The following CSMD1 variants were observed in gnomAD, a reference collection of about 807,000 sequenced individuals.
The protein encoded by CSMD1 is CUB and sushi domain-containing protein 1.
Under a neutral mutation model 417.5 loss-of-function variants are expected in CSMD1, and 213 were observed. The ratio of observed to expected loss-of-function variants is 0.51; its 90% CI spans 0.46 to 0.57. CSMD1 has a LOEUF of 0.57. Ranked by LOEUF, CSMD1 falls within the 20% of genes least tolerant of loss-of-function variation. The probability of loss-of-function intolerance (pLI) is 0.00; values close to 1 mark genes in which losing one functional copy is unlikely to be tolerated. For missense variants in CSMD1, 6,923 were observed against 4,529.7 expected (o/e 1.53, Z -15.17); for synonymous variants, 2,862 against 1,736.8 (o/e 1.65, Z -16.11).
intron 5 of CSMD1, among the ~76,000 whole-genome samples, chr8:3,780,949 C>T (rs531509039): frequency 4.6e-5 from 7 of 152,252 alleles, no homozygotes; most frequent in African/African-American, 1.7e-4. Context: ...AAAAATAAAG[C>T]TCTAAAGATA....
chr8:3,489,422 A>C (rs1313734741), intron 11 of CSMD1, among the ~76,000 whole-genome samples: 1 of 152,166 alleles, frequency 6.6e-6, no homozygotes, highest in African/African-American at 2.4e-5. Context: ...AATTAATGAA[A>C]TCCCCTGGTT....
chr8:4,003,429 A>C, intron 4 of CSMD1, among the ~76,000 whole-genome samples: 1 of 151,940 alleles, frequency 6.6e-6, no homozygotes, highest in East Asian at 1.9e-4. Flanking sequence ...CAAATAAATA[A>C]ATAAATAAAT....
intron 3 of CSMD1, among the ~76,000 whole-genome samples, chr8:4,356,197 G>T (rs1276621679): frequency 6.6e-6 from 1 of 152,280 alleles, no homozygotes. Context: ...TCAGTGGGAA[G>T]ATACAATGTT....
chr8:3,281,495 A>T (rs1022065479), intron 26 of CSMD1, among the ~76,000 whole-genome samples: 5 of 152,178 alleles, frequency 3.3e-5, no homozygotes, highest in African/African-American at 9.7e-5. Flanking sequence ...ATAGAATATT[A>T]TTCGCTGCTA....
At chr8:3,252,410 G>A (rs1800339067) in intron 26 of CSMD1, among the ~76,000 whole-genome samples, 1 of 152,208 alleles carries the variant, frequency 6.6e-6, no homozygotes, top group African/African-American at 2.4e-5. Flanking sequence ...CAGGGATGAA[G>A]CTCACTTGAT....
intron 6 of CSMD1, among the ~76,000 whole-genome samples, chr8:3,727,863 A>G (rs1011295766): frequency 1.3e-5 from 2 of 152,212 alleles, no homozygotes; most frequent in Admixed American, 1.3e-4. Context: ...GCCTGTCACA[A>G]AAGGACAAAT....
At chr8:4,792,752 T>C (rs901005645) in intron 1 of CSMD1, among the ~76,000 whole-genome samples, 1 of 152,146 alleles carries the variant, frequency 6.6e-6, no homozygotes, top group Non-Finnish European at 1.5e-5. Flanking sequence ...CGATGCCCAT[T>C]ACTACGGGGT....
intron 1 of CSMD1, among the ~76,000 whole-genome samples, chr8:4,960,496 T>G (rs1335928057): frequency 6.6e-6 from 1 of 152,194 alleles, no homozygotes; most frequent in Non-Finnish European, 1.5e-5. Flanking sequence ...TCCTTGTTTA[T>G]GATTCTTCAA....
At chr8:4,945,469 C>T (rs373859277) in intron 1 of CSMD1, among the ~76,000 whole-genome samples, 13 of 148,066 alleles carry the variant, frequency 8.8e-5, no homozygotes, top group South Asian at 8.6e-4. Context: ...CTGAGGTGGG[C>T]GGATTACTTG....
intron 3 of CSMD1, among the ~76,000 whole-genome samples, chr8:4,333,275 A>G (rs1799979997): frequency 6.6e-6 from 1 of 152,132 alleles, no homozygotes; most frequent in Non-Finnish European, 1.5e-5. Context: ...TCCTGACGCT[A>G]AGTCCTCACC....
At chr8:4,433,872 A>G (rs1291078437) in intron 2 of CSMD1, among the ~76,000 whole-genome samples, 1 of 152,210 alleles carries the variant, frequency 6.6e-6, no homozygotes, top group African/African-American at 2.4e-5. Flanking sequence ...ACACAGGCAC[A>G]GCCCCATTTC....
chr8:4,126,833 C>A (rs950220147), intron 3 of CSMD1, among the ~76,000 whole-genome samples: 2 of 152,072 alleles, frequency 1.3e-5, no homozygotes, highest in Admixed American at 6.6e-5. Context: ...ATGTCCAGGA[C>A]AAGTAAAGTG....
chr8:4,751,143 G>A (rs1046266333), intron 1 of CSMD1, among the ~76,000 whole-genome samples: 1 of 152,216 alleles, frequency 6.6e-6, no homozygotes, highest in Non-Finnish European at 1.5e-5. Flanking sequence ...CCAGCACTTT[G>A]GGAGGCCGAG....
At chr8:3,283,559 C>T (rs1044682707) in intron 26 of CSMD1, among the ~76,000 whole-genome samples, 2 of 152,048 alleles carry the variant, frequency 1.3e-5, no homozygotes, top group African/African-American at 4.8e-5. Context: ...CCAAAATATG[C>T]AGTTTTGAGG....
intron 8 of CSMD1, among the ~76,000 whole-genome samples, chr8:3,614,166 T>G (rs896997311): frequency 6.6e-6 from 1 of 152,128 alleles, no homozygotes; most frequent in Non-Finnish European, 1.5e-5. Flanking sequence ...TCTTCCCAGG[T>G]GTTATGGCAT....
At chr8:3,566,732 C>G (rs968541152) in intron 10 of CSMD1, among the ~76,000 whole-genome samples, 1 of 152,040 alleles carries the variant, frequency 6.6e-6, no homozygotes, top group African/African-American at 2.4e-5. Context: ...AATAAGATAC[C>G]ATCTCACACC....
intron 2 of CSMD1, among the ~76,000 whole-genome samples, chr8:4,559,361 T>A (rs558365889): frequency 8.5e-5 from 13 of 152,338 alleles, no homozygotes; most frequent in African/African-American, 3.1e-4. Flanking sequence ...CTGGTTATGT[T>A]ATAAAATATT....
chr8:4,913,280 G>A (rs1285017864), intron 1 of CSMD1, among the ~76,000 whole-genome samples: 2 of 152,110 alleles, frequency 1.3e-5, no homozygotes, highest in Non-Finnish European at 2.9e-5. Flanking sequence ...ACAGGTTTGT[G>A]GATTCTATTG....
chr8:3,979,693 C>G (rs577290014), intron 5 of CSMD1, among the ~76,000 whole-genome samples: 1 of 152,188 alleles, frequency 6.6e-6, no homozygotes, highest in Admixed American at 6.5e-5. Flanking sequence ...AGCCAGGACG[C>G]AATGCGTACC....
Sources: allele counts gnomAD v4.1 joint callset (sites outside exome capture counted in the v4.1 genomes callset), GRCh38; gene constraint gnomAD v4.1.1; transcripts MANE v1.5; gene names NCBI Gene and HGNC (gene_info 2026-07-23, HGNC 2026-07-21).